Variants in PGLYRP4 observed in about 807,000 individuals in gnomAD.
PGLYRP4 encodes peptidoglycan recognition protein 4.
Under a neutral mutation model 41.2 loss-of-function variants are expected in PGLYRP4, and 39 were observed. That is an observed-to-expected ratio of 0.95 (90% CI 0.73 to 1.24). The LOEUF is 1.24. PGLYRP4 is among the 50% of genes most tolerant of loss of function. The probability of loss-of-function intolerance (pLI) is 0.00; values close to 1 mark genes in which losing one functional copy is unlikely to be tolerated. For synonymous variants in PGLYRP4, 202 were observed against 186.8 expected, an observed-to-expected ratio of 1.08 and a Z score of -0.66; for missense variants, 467 against 460.7, an observed-to-expected ratio of 1.01 and a Z score of -0.13.
intron 5 of PGLYRP4, 80 bp from the exon 6 acceptor site, chr1:153,341,859 C>CAGGGG: frequency 7.1e-7 from 1 of 1,411,568 alleles, no homozygotes; most frequent in South Asian, 1.3e-5. Flanking sequence ...AGATGCTCTG[C>CAGGGG]CAGCCCCTGC....
rs1660936055 is a variant in PGLYRP4 at position 153,344,882 on chromosome 1, G to A, written c.353+287C>T. ...AGCTAAAGCCCTCATGTATGAGGAA[G>A]TCGTTTGCAATCTGTAGTGTGCTGT... On this transcript the variant is annotated intron_variant, in intron 4 of 8. Coordinates refer to ENST00000359650, the MANE Select transcript of PGLYRP4 (RefSeq NM_020393.4). 3.2e-5 allele frequency: 9 copies of A among 282,324 alleles called. No individual in the cohort carries two copies. The South Asian group carries it at 3.7e-4, about 12-fold the overall frequency. 17.5% of individuals were successfully genotyped at this position (282,324 alleles called of 1,614,324 possible).
At chr1:153,334,343 A>G (rs1222762901) in intron 8 of PGLYRP4, among the ~76,000 whole-genome samples, 1 of 150,966 alleles carries the variant, frequency 6.6e-6, no homozygotes, top group Non-Finnish European at 1.5e-5. Flanking sequence ...CACCTGTTAT[A>G]TATAGGTGTG....
At chr1:153,341,506 G>T in intron 6 of PGLYRP4, 121 bp downstream of exon 6, 1 of 893,706 alleles carries the variant, frequency 1.1e-6, no homozygotes, top group Non-Finnish European at 1.7e-6. Context: ...GAGTTGGGTG[G>T]CCAGTTGCCT....
In PGLYRP4 at chr1:153,346,215, C is replaced by T. The variant is rs1318537325; in HGVS notation, c.50-24G>A. 3.2e-6 allele frequency: 5 copies of T among 1,568,276 alleles called. No individual in the cohort carries two copies. In the African/African-American group the frequency reaches 5.4e-5, roughly 17 times the overall value. ...ACCTGCAAAGGAATATCCCATTTTG[C>T]ATCAGAGAGCACCAATACCAGCCAT... is the stretch of plus-strand genomic sequence containing the variant. On this transcript the variant is annotated intron_variant, in intron 2 of 8. Coordinates refer to ENST00000359650, the MANE Select transcript of PGLYRP4 (RefSeq NM_020393.4).
chr1:153,334,460 ATATTTATT>A (rs1660461837), intron 8 of PGLYRP4, among the ~76,000 whole-genome samples: 1 of 77,898 alleles, frequency 1.3e-5, no homozygotes, highest in African/African-American at 4.5e-5. Context: ...AAATATATAT[ATATTTATT>A]TATATATATT....
chr1:153,341,266 C>T (rs1367065120), intron 6 of PGLYRP4, among the ~76,000 whole-genome samples: 1 of 152,184 alleles, frequency 6.6e-6, no homozygotes, highest in Non-Finnish European at 1.5e-5. Context: ...TTGTCTTTCT[C>T]TGCCCTCTAG....
chr1:153,333,667 A>T (rs950952523), intron 8 of PGLYRP4, among the ~76,000 whole-genome samples: 3 of 152,224 alleles, frequency 2.0e-5, no homozygotes, highest in African/African-American at 4.8e-5. Context: ...AAAGTTCACA[A>T]CAAAAATCTA....
intron 8 of PGLYRP4, among the ~76,000 whole-genome samples, chr1:153,336,369 CAAAAAAA>C (rs58665160): frequency 2.6e-5 from 2 of 76,496 alleles, no homozygotes; most frequent in African/African-American, 5.7e-5. Flanking sequence ...GACTCCATCT[CAAAAAAA>C]AAAAAAAAAA....
At chr1:153,342,241 G>A (rs905329709) in intron 5 of PGLYRP4, among the ~76,000 whole-genome samples, 8 of 152,170 alleles carry the variant, frequency 5.3e-5, no homozygotes, top group Admixed American at 3.3e-4. Flanking sequence ...CCAAGCTAAC[G>A]ACAAATGGAA....
At chr1:153,339,247 C>G (rs1343575341) in intron 7 of PGLYRP4, among the ~76,000 whole-genome samples, 1 of 152,220 alleles carries the variant, frequency 6.6e-6, no homozygotes, top group Non-Finnish European at 1.5e-5. Flanking sequence ...CAGGTATCCA[C>G]TCTTATTAAA....
At chr1:153,347,376 T>G (rs956221612) in intron 2 of PGLYRP4, among the ~76,000 whole-genome samples, 1 of 151,814 alleles carries the variant, frequency 6.6e-6, no homozygotes, top group Non-Finnish European at 1.5e-5. Flanking sequence ...TTTGTTGGTT[T>G]GTTTGTTTTT....
Position 153,345,229 on chromosome 1 carries a change from C to A in PGLYRP4, c.293G>T (p.Arg98Ile), listed in dbSNP as rs199748946. 5.0e-4 allele frequency: 808 copies of A among 1,614,128 alleles called. 1 individual carries two copies. Among genetic ancestry groups the A allele is most frequent in the Admixed American group, 7.5e-4 (45 of 60,024 alleles). The stretch of plus-strand genomic sequence containing the variant: ...ATGATGGGCCTGCAGTTCCCGCAGT[C>A]TCTGGCTGCAGACTGTCTGGTCGTG... ...ECHDQTVCSQ[R>I]LRELQAHHVH... Residue 98 changes from arginine to isoleucine, a missense_variant, in exon 4 of 9, where the codon AGA (arginine) becomes ATA (isoleucine). Coordinates refer to ENST00000359650, the MANE Select transcript of PGLYRP4 (RefSeq NM_020393.4).
chr1:153,338,483 C>T (rs1252864171), intron 7 of PGLYRP4, among the ~76,000 whole-genome samples: 5 of 152,188 alleles, frequency 3.3e-5, no homozygotes, highest in African/African-American at 9.7e-5. Context: ...AAATACAAAT[C>T]TTACTATGTC....
intron 8 of PGLYRP4, among the ~76,000 whole-genome samples, chr1:153,335,426 A>G (rs1660513840): frequency 6.6e-6 from 1 of 152,248 alleles, no homozygotes; most frequent in African/African-American, 2.4e-5. Context: ...AGCAGCCAAA[A>G]ACCATGAAAA....
Position 153,330,626 on chromosome 1 carries a change from G to A in PGLYRP4, c.*141C>T. The A allele has an allele frequency of 1.5e-6, 1 of 647,754 alleles. No individual in the cohort carries two copies. The highest frequency in any genetic ancestry group is 2.6e-5 in the Admixed American group (1 of 37,768). The allele number at this position is 647,754 out of a possible 1,614,324, so 40.1% of individuals were successfully genotyped here. A position where few individuals can be genotyped will look rare whatever the true frequency, so the allele number is the denominator to read the frequency against. On this transcript the variant is annotated 3_prime_UTR_variant, in exon 9 of 9. Transcript: ENST00000359650. ...GGAGGATGTTGGCAGGAGAGGGCAT[G>A]ATCATCCCAACCTGAAAAAGGAGGC...
chr1:153,334,367 G>GTATA (rs1478683526), intron 8 of PGLYRP4, among the ~76,000 whole-genome samples: 1 of 149,554 alleles, frequency 6.7e-6, no homozygotes, highest in Non-Finnish European at 1.5e-5. Context: ...ATGTTTGTAT[G>GTATA]TATATATATG....
At chr1:153,339,584 T>A (rs1660709286) in intron 7 of PGLYRP4, among the ~76,000 whole-genome samples, 1 of 152,234 alleles carries the variant, frequency 6.6e-6, no homozygotes, top group Non-Finnish European at 1.5e-5. Flanking sequence ...GGATGTTACA[T>A]GGGGTCTAAC....
At chr1:153,347,836 A>G (rs754276432) in intron 2 of PGLYRP4, 48 bp downstream of exon 2, 8 of 1,381,622 alleles carry the variant, frequency 5.8e-6, no homozygotes, top group Non-Finnish European at 7.2e-6. Flanking sequence ...ATGAGACTTT[A>G]GGATCACCCT....
intron 2 of PGLYRP4, among the ~76,000 whole-genome samples, chr1:153,346,590 C>A (rs991363874): frequency 6.6e-6 from 1 of 152,174 alleles, no homozygotes; most frequent in Non-Finnish European, 1.5e-5. Context: ...GTTAGAATTA[C>A]CTGCACGGCT....
Sources: allele counts gnomAD v4.1 joint callset (sites outside exome capture counted in the v4.1 genomes callset), GRCh38; gene constraint gnomAD v4.1.1; transcripts MANE v1.5; gene names NCBI Gene and HGNC (gene_info 2026-07-23, HGNC 2026-07-21).